The following MALRD1 variants were observed in gnomAD, a reference collection of about 807,000 sequenced individuals.
MALRD1 encodes MAM and LDL-receptor class A domain-containing protein 1.
In MALRD1, 247 loss-of-function variants were observed where a neutral mutation model predicts 242.1. That is an observed-to-expected ratio of 1.02 (90% CI 0.92 to 1.13). The LOEUF is 1.13. MALRD1 is among the 50% of genes most tolerant of loss of function. The probability of loss-of-function intolerance (pLI) is 0.00; values close to 1 mark genes in which losing one functional copy is unlikely to be tolerated. For synonymous variants in MALRD1, 995 were observed against 866.6 expected (o/e 1.15, Z -2.60); for missense variants, 2,989 against 2,533.1 (o/e 1.18, Z -3.86).
intron 1 of MALRD1, among the ~76,000 whole-genome samples, chr10:19,053,393 G>T (rs1370328772): frequency 6.6e-6 from 1 of 152,190 alleles, no homozygotes; most frequent in Admixed American, 6.5e-5. Context: ...TCCGGTGCAT[G>T]CCTTGGTTTT....
chr10:19,654,654 T>C (rs555448283), intron 36 of MALRD1, among the ~76,000 whole-genome samples: 1 of 152,318 alleles, frequency 6.6e-6, no homozygotes, highest in East Asian at 1.9e-4. Flanking sequence ...CCAATGTTCT[T>C]AAAGTAAAAA....
rs1564562973 is a variant in MALRD1 at position 19,324,203 on chromosome 10, T to A, written c.3576+98T>A. 4.1e-6 allele frequency: 5 copies of A among 1,209,142 alleles called. No homozygotes were observed. The East Asian group carries it at 1.3e-4, about 31-fold the overall frequency. The allele number at this position is 1,209,142 out of a possible 1,614,324, so 74.9% of individuals were successfully genotyped here. On this transcript the variant is annotated intron_variant, in intron 22 of 39. Transcript: ENST00000454679. ...AATATATTCTGTTAATAAGTGAAAATGGACAATTACCAACACTTCACTAGA... is the reference window on the plus strand; with the variant it reads ...AATATATTCTGTTAATAAGTGAAAAAGGACAATTACCAACACTTCACTAGA...
chr10:19,541,582 C>T (rs993625024), intron 32 of MALRD1, among the ~76,000 whole-genome samples: 5 of 152,046 alleles, frequency 3.3e-5, no homozygotes, highest in African/African-American at 1.2e-4. Flanking sequence ...ATTCAAGTTT[C>T]TCCTTCTATG....
chr10:19,285,523 T>C (rs1271621862), intron 21 of MALRD1, among the ~76,000 whole-genome samples: 1 of 151,890 alleles, frequency 6.6e-6, no homozygotes, highest in East Asian at 1.9e-4. Context: ...CTTTCCCCAT[T>C]GCTTGTTTTT....
chr10:19,347,638 G>A, intron 24 of MALRD1, 133 bp from the exon 25 acceptor site: 1 of 1,021,048 alleles, frequency 9.8e-7, no homozygotes, highest in East Asian at 2.6e-5. Context: ...CTCTTTATAT[G>A]TTGCTATCAG....
At chr10:19,616,672 G>T (rs963947866) in intron 36 of MALRD1, among the ~76,000 whole-genome samples, 3 of 151,958 alleles carry the variant, frequency 2.0e-5, no homozygotes, top group Non-Finnish European at 4.4e-5. Context: ...ACACACAAAG[G>T]TATCTGAAAA....
chr10:19,157,481 T>C (rs945643022), intron 12 of MALRD1, among the ~76,000 whole-genome samples: 1 of 152,056 alleles, frequency 6.6e-6, no homozygotes, highest in Non-Finnish European at 1.5e-5. Context: ...TCTCCTGACC[T>C]CGTGATTCAC....
At chr10:19,302,115 C>G (rs1471683044) in intron 21 of MALRD1, among the ~76,000 whole-genome samples, 1 of 151,722 alleles carries the variant, frequency 6.6e-6, no homozygotes, top group East Asian at 1.9e-4. Context: ...TAGACAATAA[C>G]AGGTGTTGAT....
chr10:19,373,388 G>A (rs900783610), intron 26 of MALRD1, among the ~76,000 whole-genome samples: 7 of 151,800 alleles, frequency 4.6e-5, no homozygotes, highest in African/African-American at 9.7e-5. Flanking sequence ...TGGTGGTGGC[G>A]GGTGCCTGTA....
intron 21 of MALRD1, among the ~76,000 whole-genome samples, chr10:19,284,298 T>C (rs1458137509): frequency 2.0e-5 from 3 of 151,876 alleles, no homozygotes; most frequent in Non-Finnish European, 4.4e-5. Context: ...ATGTGCACAT[T>C]GTGCAGGTTC....
intron 10 of MALRD1, among the ~76,000 whole-genome samples, chr10:19,138,180 T>A (rs183568727): frequency 5.4e-5 from 8 of 148,314 alleles, no homozygotes; most frequent in African/African-American, 1.7e-4. Context: ...AACCAAGTAA[T>A]CGGCTAACCA....
chr10:19,190,658 ATT>A (rs35922631), intron 14 of MALRD1, among the ~76,000 whole-genome samples: 8,005 of 145,070 alleles, frequency 0.055, 243 homozygotes, highest in South Asian at 0.12. Context: ...TGAACAAGTG[ATT>A]TTTTTTTTTT....
chr10:19,600,131 G>C (rs1195274563), intron 34 of MALRD1, among the ~76,000 whole-genome samples: 1 of 152,048 alleles, frequency 6.6e-6, no homozygotes, highest in Non-Finnish European at 1.5e-5. Context: ...GGTTTAGAAT[G>C]GTCCACATTC....
intron 18 of MALRD1, among the ~76,000 whole-genome samples, chr10:19,237,532 A>G (rs186647104): frequency 0.024 from 3,188 of 135,292 alleles, 145 homozygotes; most frequent in East Asian, 0.17. Context: ...ATATATATAT[A>G]TATAATTTTA....
chr10:19,482,131 C>T (rs1056414074), intron 29 of MALRD1, among the ~76,000 whole-genome samples: 3 of 151,870 alleles, frequency 2.0e-5, no homozygotes, highest in Non-Finnish European at 2.9e-5. Flanking sequence ...AATGACTTAT[C>T]AAAGATTACA....
chr10:19,595,185 C>CT lies in MALRD1; in HGVS notation c.5681-3dup. ...ATGCCAAAATAACTTGACTTGCTCT[C>CT]TTTTTTAGGTCCTGTCCCAGTGCAG... On this transcript the variant is annotated splice_polypyrimidine_tract_variant and intron_variant, in intron 33 of 39. Transcript: ENST00000454679. The CT allele has an allele frequency of 6.5e-7, 1 of 1,543,564 alleles. No individual in the cohort carries two copies. Among genetic ancestry groups the CT allele is most frequent in the Non-Finnish European group, 8.8e-7 (1 of 1,142,022 alleles).
At chr10:19,480,133 C>T (rs1339627545) in intron 29 of MALRD1, among the ~76,000 whole-genome samples, 1 of 152,142 alleles carries the variant, frequency 6.6e-6, no homozygotes, top group Non-Finnish European at 1.5e-5. Context: ...ATCTCCGGAC[C>T]ACACATGGAT....
At position 19,689,232 on chromosome 10, in the gene MALRD1, C is replaced by CTG. The variant is rs147003604; in HGVS notation, c.6138-3034_6138-3033dup. Among the ~76,000 whole-genome samples, 646 of 150,464 alleles carry CTG rather than the reference C, an allele frequency of 4.3e-3. 6 individuals are homozygous for CTG. The highest frequency in any genetic ancestry group is 0.036 in the East Asian group (187 of 5,142). On this transcript the variant is annotated intron_variant, in intron 36 of 39. Transcript: ENST00000454679. ...ATACAAAACTGATATATAGATACCT[C>CTG]TGTGTGTGTGTGTGTGTATCTGTAC...
At chr10:19,201,919 G>A (rs370318605) in intron 14 of MALRD1, among the ~76,000 whole-genome samples, 1 of 151,952 alleles carries the variant, frequency 6.6e-6, no homozygotes, top group Non-Finnish European at 1.5e-5. Context: ...AGATTCAAGC[G>A]ATTCTCCTGC....
Sources: gnomAD v4.1 joint callset for allele counts (sites outside exome capture counted in the v4.1 genomes callset) on GRCh38, gnomAD v4.1.1 for gene constraint, MANE v1.5 for transcripts, NCBI Gene and HGNC (gene_info 2026-07-23, HGNC 2026-07-21) for gene names.